Variants in RANBP17 observed in about 807,000 individuals in gnomAD.
RANBP17 encodes ran-binding protein 17.
A neutral mutation model predicts 141.2 loss-of-function variants in RANBP17; 158 were observed. That is an observed-to-expected ratio of 1.12 (90% CI 0.98 to 1.28). RANBP17 has a LOEUF of 1.28. Ranked by LOEUF, RANBP17 falls within the 50% of genes most tolerant of loss-of-function variation. The pLI is 0.00. For missense variants in RANBP17, 1,438 were observed against 1,290.7 expected, an observed-to-expected ratio of 1.11 and a Z score of -1.75; for synonymous variants, 430 against 450.0, an observed-to-expected ratio of 0.96 and a Z score of 0.56.
chr5:171,052,636 A>C (rs902582916), intron 14 of RANBP17, among the ~76,000 whole-genome samples: 2 of 152,164 alleles, frequency 1.3e-5, no homozygotes, highest in Admixed American at 1.3e-4. Flanking sequence ...CTTTGCAGTA[A>C]GTTGTAAAAT....
chr5:171,165,043 C>T (rs1333338481), intron 14 of RANBP17, among the ~76,000 whole-genome samples: 2 of 152,150 alleles, frequency 1.3e-5, no homozygotes, highest in Non-Finnish European at 2.9e-5. Context: ...GTTACCTGAC[C>T]ACTTCAGCAC....
chr5:170,891,362 G>A (rs1175505644), intron 3 of RANBP17, among the ~76,000 whole-genome samples: 1 of 152,120 alleles, frequency 6.6e-6, no homozygotes, highest in Non-Finnish European at 1.5e-5. Flanking sequence ...TTGTAAAGTG[G>A]TGAAAGAAAG....
chr5:170,905,966 T>C (rs1029678140), intron 5 of RANBP17, among the ~76,000 whole-genome samples: 2 of 152,080 alleles, frequency 1.3e-5, no homozygotes, highest in African/African-American at 4.8e-5. Context: ...GGATAACTTC[T>C]TTTTCTTAAT....
chr5:170,894,933 T>A (rs754883111), intron 4 of RANBP17, among the ~76,000 whole-genome samples: 1 of 152,222 alleles, frequency 6.6e-6, no homozygotes, highest in African/African-American at 2.4e-5. Context: ...ATCTGTTACA[T>A]GCTCTTTATT....
intron 25 of RANBP17, among the ~76,000 whole-genome samples, chr5:171,287,439 G>A (rs761277331): frequency 6.0e-5 from 9 of 150,270 alleles, no homozygotes; most frequent in Non-Finnish European, 7.4e-5. Flanking sequence ...GCAGCAAGCC[G>A]AGATCACAAC....
intron 12 of RANBP17, among the ~76,000 whole-genome samples, chr5:170,942,687 A>G (rs1425402398): frequency 6.6e-6 from 1 of 152,194 alleles, no homozygotes; most frequent in Non-Finnish European, 1.5e-5. Flanking sequence ...ATGTGACAGT[A>G]TTGCTAATGC....
chr5:170,968,419 G>A (rs1210488701), intron 14 of RANBP17, 42 bp downstream of exon 14: 1 of 1,547,426 alleles, frequency 6.5e-7, no homozygotes, highest in Non-Finnish European at 8.9e-7. Flanking sequence ...TATTGGGGAT[G>A]AAGAAAGATG....
intron 24 of RANBP17, among the ~76,000 whole-genome samples, chr5:171,261,018 A>G (rs143812750): frequency 1.3e-5 from 2 of 150,266 alleles, no homozygotes; most frequent in African/African-American, 4.9e-5. Context: ...TGAATGTAAT[A>G]TGCGAGTGAC....
intron 22 of RANBP17, among the ~76,000 whole-genome samples, chr5:171,225,347 G>T (rs1763822497): frequency 6.6e-6 from 1 of 152,216 alleles, no homozygotes; most frequent in African/African-American, 2.4e-5. Flanking sequence ...TTTGATACAT[G>T]CACTTTACAT....
At chr5:171,039,244 GGT>G (rs1491132910) in intron 14 of RANBP17, among the ~76,000 whole-genome samples, 3,545 of 90,092 alleles carry the variant, frequency 0.039, 42 homozygotes, top group Middle Eastern at 0.21. Flanking sequence ...TTCTGTTGTT[GGT>G]TTTTTTTTTT....
intron 14 of RANBP17, among the ~76,000 whole-genome samples, chr5:171,009,450 G>A (rs563662757): frequency 1.3e-5 from 2 of 152,176 alleles, no homozygotes; most frequent in South Asian, 4.1e-4. Context: ...ATGGGTCTTA[G>A]GACCCTTGAG....
chr5:171,073,856 C>T (rs1215269515), intron 14 of RANBP17, among the ~76,000 whole-genome samples: 1 of 148,372 alleles, frequency 6.7e-6, no homozygotes, highest in Non-Finnish European at 1.5e-5. Flanking sequence ...TTTTTTAAAG[C>T]ACGGAACAGT....
chr5:170,940,666 C>T (rs1043779238), intron 12 of RANBP17, among the ~76,000 whole-genome samples: 1 of 152,136 alleles, frequency 6.6e-6, no homozygotes, highest in South Asian at 2.1e-4. Context: ...GGCTGCAGTA[C>T]ACTTCTTAAT....
chr5:171,183,342 T>C lies in RANBP17; in HGVS notation c.1950T>C (p.Leu650=). The C allele has an allele frequency of 1.1e-5, 18 of 1,613,996 alleles. No homozygotes were observed. Among genetic ancestry groups the C allele is most frequent in the Non-Finnish European group, 1.5e-5 (18 of 1,179,856 alleles). The change falls in exon 18 of 28, where the codon CTT becomes CTC. Residue 650 remains leucine, a synonymous_variant. Transcript: ENST00000523189. ...ATTAGAGTGAACACTTCCCTTTTCT[T>C]GGCATCAGTGACAATCATAGTCTCA... The part of the protein sequence containing the change: ...KNHTSEHFPF[L]GISDNHSLSD...
At chr5:170,909,632 T>A in intron 5 of RANBP17, 29 bp from the exon 6 acceptor site, 1 of 1,076,206 alleles carries the variant, frequency 9.3e-7, no homozygotes, top group Non-Finnish European at 1.4e-6. Flanking sequence ...ATAGGTCTGG[T>A]TAAACTAATT....
intron 19 of RANBP17, among the ~76,000 whole-genome samples, chr5:171,203,639 C>T (rs1204343965): frequency 6.6e-6 from 1 of 151,896 alleles, no homozygotes; most frequent in Middle Eastern, 3.2e-3. Flanking sequence ...TAGACCACTT[C>T]TATTAATTTG....
At chr5:171,086,749 G>A (rs1264632009) in intron 14 of RANBP17, among the ~76,000 whole-genome samples, 12 of 148,430 alleles carry the variant, frequency 8.1e-5, no homozygotes, top group South Asian at 2.2e-4. Flanking sequence ...GTTTATTTGC[G>A]TAGAGGTGTT....
At chr5:171,021,961 T>A (rs919748345) in intron 14 of RANBP17, among the ~76,000 whole-genome samples, 2 of 151,712 alleles carry the variant, frequency 1.3e-5, no homozygotes, top group Non-Finnish European at 2.9e-5. Context: ...TTCTGTGGAC[T>A]TTTTTGTTGT....
chr5:171,000,328 A>G (rs1779114318), intron 14 of RANBP17, among the ~76,000 whole-genome samples: 1 of 152,146 alleles, frequency 6.6e-6, no homozygotes, highest in Non-Finnish European at 1.5e-5. Context: ...CAGTTGTACC[A>G]CTTAATATTT....
Sources: allele counts gnomAD v4.1 joint callset (sites outside exome capture counted in the v4.1 genomes callset), GRCh38; gene constraint gnomAD v4.1.1; transcripts MANE v1.5; gene names NCBI Gene and HGNC (gene_info 2026-07-23, HGNC 2026-07-21).